The following CSMD2 variants were observed in gnomAD, a reference collection of about 807,000 sequenced individuals.
CSMD2 encodes CUB and sushi domain-containing protein 2.
In CSMD2, 130 loss-of-function variants were observed where a neutral mutation model predicts 398.5. That is an observed-to-expected ratio of 0.33 (90% CI 0.28 to 0.38). The LOEUF is 0.38. Among genes scored for constraint, CSMD2 ranks in the 10% least tolerant of loss-of-function variants. CSMD2 has a pLI of 1.00. For missense variants in CSMD2, 3,829 were observed against 4,764.9 expected (o/e 0.80, Z 5.78); for synonymous variants, 1,828 against 1,908.5 (o/e 0.96, Z 1.10).
At chr1:33,916,409 C>G (rs1643724478) in intron 5 of CSMD2, among the ~76,000 whole-genome samples, 1 of 152,162 alleles carries the variant, frequency 6.6e-6, no homozygotes, top group Admixed American at 6.5e-5. Flanking sequence ...GGCAGAGGTC[C>G]AAGGGTCTTC....
Position 33,743,400 on chromosome 1 carries a change from G to GGAAGCTGGTTTCCT in CSMD2, c.2052_2053insAGGAAACCAGCTTC (p.Leu685ArgfsTer59), listed in dbSNP as rs779221586. The stretch of plus-strand genomic sequence containing the variant: ...AGCTGGTTTCCTGAGAAGGTGCCCA[G>GGAAGCTGGTTTCCT]GACGGGCGCCTCGGCGGTGGCCCCA... On this transcript the variant is annotated frameshift_variant, in exon 14 of 71. Coordinates refer to ENST00000373381, the MANE Select transcript of CSMD2 (RefSeq NM_001281956.2). LOFTEE classifies it high-confidence loss of function. 1 of 1,614,200 alleles carries GGAAGCTGGTTTCCT rather than the reference G, an allele frequency of 6.2e-7. No individual in the cohort carries two copies. Among genetic ancestry groups the GGAAGCTGGTTTCCT allele is most frequent in the South Asian group, 1.1e-5 (1 of 91,084 alleles).
chr1:33,823,132 C>T (rs1271609902), intron 7 of CSMD2, among the ~76,000 whole-genome samples: 1 of 152,166 alleles, frequency 6.6e-6, no homozygotes, highest in Non-Finnish European at 1.5e-5. Context: ...CGCCAAGCCA[C>T]AAGCCCCTGA....
chr1:33,698,186 G>T lies in CSMD2; in HGVS notation c.3925+567C>A, dbSNP rs138364211. On this transcript the variant is annotated intron_variant, in intron 24 of 70. Coordinates refer to ENST00000373381, the MANE Select transcript of CSMD2 (RefSeq NM_001281956.2). ...GTGACACATGTGTAAAGATTCTAGA[G>T]AACCTCTGATGACATTCTGGAAGAA... is the stretch of plus-strand genomic sequence containing the variant. Among the ~76,000 whole-genome samples, 54 of 152,354 alleles carry T rather than the reference G, an allele frequency of 3.5e-4. 1 individual carries two copies. The East Asian group carries it at 0.01, about 29-fold the overall frequency.
At chr1:33,959,177 T>A (rs930377783) in intron 3 of CSMD2, among the ~76,000 whole-genome samples, 2 of 152,156 alleles carry the variant, frequency 1.3e-5, no homozygotes, top group Non-Finnish European at 2.9e-5. Context: ...TATGGATGCT[T>A]CTCTTTGTTT....
chr1:33,992,537 A>G (rs1646589066), intron 3 of CSMD2, among the ~76,000 whole-genome samples: 2 of 151,390 alleles, frequency 1.3e-5, no homozygotes, highest in Non-Finnish European at 2.9e-5. Flanking sequence ...TTTTTAACAG[A>G]GATCACTGGA....
chr1:34,101,871 T>C (rs1052851983), intron 1 of CSMD2, among the ~76,000 whole-genome samples: 5 of 152,218 alleles, frequency 3.3e-5, no homozygotes, highest in Non-Finnish European at 5.9e-5. Flanking sequence ...AAATGTTATA[T>C]ACTTAAATCT....
intron 5 of CSMD2, among the ~76,000 whole-genome samples, chr1:33,910,109 T>C (rs553768022): frequency 2.6e-5 from 4 of 152,314 alleles, no homozygotes; most frequent in South Asian, 4.1e-4. Context: ...AAAAGTTTTA[T>C]AGCTGATTTC....
intron 6 of CSMD2, among the ~76,000 whole-genome samples, chr1:33,836,235 G>A (rs1660244043): frequency 6.6e-6 from 1 of 152,220 alleles, no homozygotes; most frequent in African/African-American, 2.4e-5. Flanking sequence ...TTTTGTCTCA[G>A]AGGAGTACCC....
chr1:33,723,863 C>A (rs1646438259), intron 19 of CSMD2, among the ~76,000 whole-genome samples: 1 of 152,146 alleles, frequency 6.6e-6, no homozygotes, highest in African/African-American at 2.4e-5. Context: ...CCACATCAGG[C>A]ATGTTTAGGC....
chr1:33,616,815 G>C, intron 39 of CSMD2, 91 bp downstream of exon 39: 8 of 980,740 alleles, frequency 8.2e-6, no homozygotes, highest in Non-Finnish European at 1.3e-5. Flanking sequence ...ACTTTCTTCT[G>C]ATTTGAACTT....
chr1:34,015,173 C>T (rs181451089), intron 3 of CSMD2, among the ~76,000 whole-genome samples: 1 of 152,340 alleles, frequency 6.6e-6, no homozygotes, highest in East Asian at 1.9e-4. Flanking sequence ...CATGTACCCA[C>T]ATTCTTTTCC....
intron 5 of CSMD2, among the ~76,000 whole-genome samples, chr1:33,905,734 C>T (rs1312673335): frequency 6.6e-6 from 1 of 152,118 alleles, no homozygotes; most frequent in Non-Finnish European, 1.5e-5. Flanking sequence ...AAAGGAGATA[C>T]ATATAGTAGG....
Position 33,724,669 on chromosome 1 carries a change from C to T in CSMD2, c.2731G>A (p.Gly911Arg). 1 of 1,614,190 alleles carries T rather than the reference C, an allele frequency of 6.2e-7. No homozygotes were observed. Among genetic ancestry groups the T allele is most frequent in the South Asian group, 1.1e-5 (1 of 91,084 alleles). ...TLQSDHCLDP[G>R]IPVNGQRHGN... The stretch of plus-strand genomic sequence containing the variant: ...TGACGCTGTCCATTTACTGGGATTC[C>T]TGGATCCAGACAGTGGTCTGACTGC... Residue 911 changes from glycine (G) to arginine (R), a missense_variant, in exon 18 of 71, where the codon GGA (glycine) becomes AGA (arginine). Physicochemically the swap from Gly to Arg is moderately radical, Grantham distance 125 (BLOSUM62 -2). Transcript: ENST00000373381.
chr1:33,735,209 G>T (rs1646846616), intron 15 of CSMD2, among the ~76,000 whole-genome samples: 1 of 152,122 alleles, frequency 6.6e-6, no homozygotes. Flanking sequence ...TTTGAATTCT[G>T]GCTCCATCAT....
At chr1:33,957,986 G>A (rs1031358929) in intron 3 of CSMD2, among the ~76,000 whole-genome samples, 14 of 151,942 alleles carry the variant, frequency 9.2e-5, no homozygotes, top group Non-Finnish European at 1.6e-4. Context: ...TGTTGGTGCT[G>A]CTGCTAGGTG....
rs754336586 is a variant in CSMD2, at chr1:33,820,576, A to G, written c.1112-20T>C. 4 of 1,175,836 alleles carry G rather than the reference A, an allele frequency of 3.4e-6. No individual in the cohort carries two copies. The highest frequency in any genetic ancestry group is 3.7e-6 in the Non-Finnish European group (3 of 805,710). 72.8% of individuals were successfully genotyped at this position (1,175,836 alleles called of 1,614,324 possible). Reference sequence around the variant, plus strand: ...GAGTTACTACAAGGCAAAAAAAAAAAAAAAAAAAAAAACAGCACACACAGA... The same window carrying G: ...GAGTTACTACAAGGCAAAAAAAAAAGAAAAAAAAAAAACAGCACACACAGA... On this transcript the variant is annotated intron_variant, in intron 7 of 70. Transcript: ENST00000373381.
At chr1:34,039,283 CTTGA>C (rs1165462252) in intron 2 of CSMD2, among the ~76,000 whole-genome samples, 4 of 152,144 alleles carry the variant, frequency 2.6e-5, no homozygotes, top group Non-Finnish European at 4.4e-5. Flanking sequence ...AGGAGGGAGG[CTTGA>C]ACAGCCTGTG....
At chr1:33,991,013 T>G (rs1378187997) in intron 3 of CSMD2, among the ~76,000 whole-genome samples, 6 of 110,540 alleles carry the variant, frequency 5.4e-5, no homozygotes, top group South Asian at 4.1e-4. Flanking sequence ...GTGTTTTGGG[T>G]TTTTTTTTTT....
At chr1:34,023,869 AACCTAACC>A (rs1649273054) in intron 3 of CSMD2, among the ~76,000 whole-genome samples, 1 of 152,222 alleles carries the variant, frequency 6.6e-6, no homozygotes, top group Non-Finnish European at 1.5e-5. Context: ...GATCTCCAGA[AACCTAACC>A]GGGCATGAGA....
Sources: gnomAD v4.1 joint callset for allele counts (sites outside exome capture counted in the v4.1 genomes callset) on GRCh38, gnomAD v4.1.1 for gene constraint, MANE v1.5 for transcripts, NCBI Gene and HGNC (gene_info 2026-07-23, HGNC 2026-07-21) for gene names.